Variants in LGR5 observed in about 807,000 individuals in gnomAD.
LGR5 encodes leucine-rich repeat-containing G protein-coupled receptor 5.
LGR5 carries 54 observed loss-of-function variants against 76.7 expected under a neutral mutation model. The ratio of observed to expected loss-of-function variants is 0.70; its 90% CI spans 0.57 to 0.88. The LOEUF is 0.88. LGR5 is among the 40% of genes least tolerant of loss of function. The pLI is 0.00. For synonymous variants in LGR5, 406 were observed against 421.9 expected (o/e 0.96, Z 0.46); for missense variants, 1,078 against 1,073.3 (o/e 1.00, Z -0.06).
At chr12:71,464,550 G>A (rs976642289) in intron 1 of LGR5, among the ~76,000 whole-genome samples, 1 of 152,164 alleles carries the variant, frequency 6.6e-6, no homozygotes, top group Non-Finnish European at 1.5e-5. Flanking sequence ...GGCTGATCTA[G>A]AAGATGGATT....
intron 1 of LGR5, among the ~76,000 whole-genome samples, chr12:71,468,709 C>CTTTTT (rs538254378): frequency 5.9e-4 from 41 of 70,038 alleles, no homozygotes; most frequent in African/African-American, 8.8e-4. Context: ...GTGGTAGCCT[C>CTTTTT]TTTTTTTTTT....
chr12:71,492,908 C>T (rs1462372842), intron 1 of LGR5, among the ~76,000 whole-genome samples: 1 of 151,126 alleles, frequency 6.6e-6, no homozygotes, highest in African/African-American at 2.5e-5. Context: ...TTCTAAAGTT[C>T]TCTAAAAATG....
At chr12:71,525,604 T>A (rs918044596) in intron 3 of LGR5, among the ~76,000 whole-genome samples, 1 of 151,916 alleles carries the variant, frequency 6.6e-6, no homozygotes, top group African/African-American at 2.4e-5. Flanking sequence ...TAAAGTGATT[T>A]TTTTTCCCAT....
intron 8 of LGR5, among the ~76,000 whole-genome samples, chr12:71,563,091 A>T (rs932678536): frequency 1.3e-5 from 2 of 152,046 alleles, no homozygotes; most frequent in Admixed American, 6.6e-5. Context: ...CACTCTTTTG[A>T]TATGCTAATA....
At chr12:71,500,238 C>T (rs1874538924) in intron 1 of LGR5, among the ~76,000 whole-genome samples, 1 of 151,978 alleles carries the variant, frequency 6.6e-6, no homozygotes, top group Non-Finnish European at 1.5e-5. Flanking sequence ...CCCATAGGAA[C>T]CCATAAGAAA....
chr12:71,526,405 A>G (rs1167305302), intron 3 of LGR5, among the ~76,000 whole-genome samples: 2 of 151,994 alleles, frequency 1.3e-5, no homozygotes, highest in Non-Finnish European at 2.9e-5. Context: ...ATTATTTCTC[A>G]TGCTAACTAT....
intron 11 of LGR5, among the ~76,000 whole-genome samples, chr12:71,567,733 G>A (rs570602073): frequency 2.0e-5 from 3 of 152,204 alleles, no homozygotes; most frequent in South Asian, 2.1e-4. Flanking sequence ...CCAGCCTGCC[G>A]TGTCACTTCA....
rs1454996547 is a variant in LGR5, at chr12:71,582,627, C to T, written c.1636+88C>T. ...AACAATACAGCTATACTTTAAAAGC[C>T]GAATCTGTGCCAACTTTGCAGCTCA... On this transcript the variant is annotated intron_variant, in intron 17 of 17. Coordinates refer to ENST00000266674, the MANE Select transcript of LGR5 (RefSeq NM_003667.4). 1.8e-5 allele frequency: 18 copies of T among 975,176 alleles called. 1 individual carries two copies. The East Asian group carries it at 3.4e-4, about 18-fold the overall frequency. The allele number at this position is 975,176 out of a possible 1,614,324, so 60.4% of individuals were successfully genotyped here.
intron 4 of LGR5, among the ~76,000 whole-genome samples, chr12:71,546,296 C>G (rs898005112): frequency 5.7e-5 from 8 of 141,520 alleles, no homozygotes; most frequent in Middle Eastern, 7.0e-3. Context: ...GCCTGGGAGA[C>G]AGAGTGAGAC....
intron 2 of LGR5, among the ~76,000 whole-genome samples, chr12:71,508,184 G>A (rs1874955167): frequency 6.6e-6 from 1 of 151,858 alleles, no homozygotes; most frequent in Non-Finnish European, 1.5e-5. Flanking sequence ...GTCGAGATTG[G>A]GCCATTGCAC....
chr12:71,579,213 T>C (rs1474494970), intron 15 of LGR5, among the ~76,000 whole-genome samples: 1 of 152,200 alleles, frequency 6.6e-6, no homozygotes, highest in African/African-American at 2.4e-5. Context: ...AAAAATAAAC[T>C]AGGGCATGTA....
intron 1 of LGR5, among the ~76,000 whole-genome samples, chr12:71,456,820 A>G (rs1280570350): frequency 6.6e-6 from 1 of 152,150 alleles, no homozygotes; most frequent in East Asian, 1.9e-4. Flanking sequence ...TTAAAATCAA[A>G]ATAGGCTTTT....
At chr12:71,548,886 A>G (rs886148230) in intron 4 of LGR5, among the ~76,000 whole-genome samples, 3 of 152,196 alleles carry the variant, frequency 2.0e-5, no homozygotes, top group African/African-American at 7.2e-5. Flanking sequence ...TAACAAAGAC[A>G]TACTTAAAAG....
At chr12:71,565,594 A>G (rs75016722) in intron 8 of LGR5, among the ~76,000 whole-genome samples, 3,529 of 150,468 alleles carry the variant, frequency 0.023, 98 homozygotes, top group Non-Finnish European at 0.033. Context: ...GGAACATCTT[A>G]TCATTCTTCT....
chr12:71,480,553 A>G (rs1328625572), intron 1 of LGR5, among the ~76,000 whole-genome samples: 1 of 152,132 alleles, frequency 6.6e-6, no homozygotes, highest in Non-Finnish European at 1.5e-5. Flanking sequence ...AGCATTCTCC[A>G]GATCCCTTCT....
intron 1 of LGR5, among the ~76,000 whole-genome samples, chr12:71,443,926 A>G (rs373007289): frequency 2.0e-5 from 3 of 150,430 alleles, no homozygotes; most frequent in African/African-American, 7.3e-5. Context: ...TTTTTTTTTT[A>G]ATTATATGTA....
chr12:71,448,086 C>CACACAA lies in LGR5; in HGVS notation c.212+7799_212+7800insAACACA, dbSNP rs775184220. On this transcript the variant is annotated intron_variant, in intron 1 of 17. Coordinates refer to ENST00000266674, the MANE Select transcript of LGR5 (RefSeq NM_003667.4). ...CTCGTCTCCCTCACACACACACAAA[C>CACACAA]ACACACACACACACACACACACACA... Among the ~76,000 whole-genome samples, 214 of 123,358 alleles carry CACACAA rather than the reference C, an allele frequency of 1.7e-3. 2 individuals carry two copies. The highest frequency in any genetic ancestry group is 7.1e-3 in the African/African-American group (205 of 28,780). The allele number at this position is 123,358 out of a possible 152,430, so 80.9% of individuals were successfully genotyped here.
Position 71,546,864 on chromosome 12 carries a change from A to T in LGR5, c.429-6209A>T, listed in dbSNP as rs200287671. Among the ~76,000 whole-genome samples the T allele has an allele frequency of 3.3e-5, 5 of 152,162 alleles. No homozygotes were observed. The East Asian group carries it at 9.6e-4, about 29-fold the overall frequency. On this transcript the variant is annotated intron_variant, in intron 4 of 17. Coordinates refer to ENST00000266674, the MANE Select transcript of LGR5 (RefSeq NM_003667.4). The stretch of plus-strand genomic sequence containing the variant: ...CAGGTAGCCCAGAAACCTGGGAGTG[A>T]TGTCATCCAGACTCCACTTACTTTG...
intron 4 of LGR5, among the ~76,000 whole-genome samples, chr12:71,535,915 G>C (rs1876562390): frequency 6.6e-6 from 1 of 152,116 alleles, no homozygotes; most frequent in Non-Finnish European, 1.5e-5. Context: ...ACTCACAAAA[G>C]AACATTCTCC....
Sources: gnomAD v4.1 joint callset for allele counts (sites outside exome capture counted in the v4.1 genomes callset) on GRCh38, gnomAD v4.1.1 for gene constraint, MANE v1.5 for transcripts, NCBI Gene and HGNC (gene_info 2026-07-23, HGNC 2026-07-21) for gene names.